Variants in RBM20 observed in about 807,000 individuals in gnomAD.
RBM20 encodes RNA binding motif protein 20.
Under a neutral mutation model 110.1 loss-of-function variants are expected in RBM20, and 51 were observed. That is an observed-to-expected ratio of 0.46 (90% CI 0.37 to 0.59). RBM20 has a LOEUF of 0.59. Among genes scored for constraint, RBM20 ranks in the 20% least tolerant of loss-of-function variants. RBM20 has a pLI of 0.00. For missense variants in RBM20, 1,512 were observed against 1,574.9 expected (o/e 0.96, Z 0.68); for synonymous variants, 589 against 618.2 (o/e 0.95, Z 0.70).
chr10:110,803,507 T>C (rs1376197589), intron 7 of RBM20, among the ~76,000 whole-genome samples: 2 of 152,176 alleles, frequency 1.3e-5, no homozygotes, highest in Non-Finnish European at 2.9e-5. Flanking sequence ...AGTGCTGTTA[T>C]TGCGTATTTC....
intron 1 of RBM20, among the ~76,000 whole-genome samples, chr10:110,760,425 C>CT (rs541027608): frequency 0.028 from 1,647 of 57,844 alleles, 264 homozygotes; most frequent in African/African-American, 0.091. Context: ...ATTCCATCAT[C>CT]TTTTTTTTTT....
In RBM20 at chr10:110,669,598, A is replaced by G. The variant is rs148892331; in HGVS notation, c.191+24953A>G. Among the ~76,000 whole-genome samples the G allele has an allele frequency of 4.3e-3, 653 of 152,336 alleles. 4 individuals are homozygous for G. Among genetic ancestry groups the G allele is most frequent in the African/African-American group, 0.015 (605 of 41,582 alleles). On this transcript the variant is annotated intron_variant, in intron 1 of 13. Transcript: ENST00000369519. Reference sequence around the variant, plus strand: ...CCTTCACTTGGTTACAGTACTTTTTAAAAAATGGAGATACGGTCTTGCTGT... The same window carrying G: ...CCTTCACTTGGTTACAGTACTTTTTGAAAAATGGAGATACGGTCTTGCTGT...
chr10:110,808,124 G>A (rs533728024), intron 7 of RBM20, among the ~76,000 whole-genome samples: 1 of 152,358 alleles, frequency 6.6e-6, no homozygotes, highest in South Asian at 2.1e-4. Context: ...GGCCCAAGGT[G>A]GGCAGGCAGG....
rs794729161 is a variant in RBM20 at position 110,781,141 on chromosome 10, C to T, written c.532C>T (p.Arg178Ter). The T allele has an allele frequency of 3.2e-6, 5 of 1,551,722 alleles. No individual in the cohort carries two copies. Among genetic ancestry groups the T allele is most frequent in the Non-Finnish European group, 4.4e-6 (5 of 1,147,028 alleles). ...AIAFSPPSQT[R>*]GPGPSMNLPN... is the part of the protein sequence containing the mutation. ...TGCCTTTTCACCCCCCAGCCAGACACGAGGCCCCGGACCCTCCATGAACCT... is the reference window on the plus strand; with the variant it reads ...TGCCTTTTCACCCCCCAGCCAGACATGAGGCCCCGGACCCTCCATGAACCT... Residue 178 changes from arginine (R) to a stop codon, truncating the protein, a stop_gained, in exon 2 of 14, where the codon CGA becomes TGA. Coordinates refer to ENST00000369519, the MANE Select transcript of RBM20 (RefSeq NM_001134363.3). LOFTEE classifies it high-confidence loss of function.
intron 1 of RBM20, among the ~76,000 whole-genome samples, chr10:110,766,752 G>A (rs1157972419): frequency 1.7e-4 from 26 of 151,596 alleles, no homozygotes; most frequent in African/African-American, 5.3e-4. Flanking sequence ...GCAACCATCC[G>A]ATTTCTCAAT....
At chr10:110,724,322 G>T (rs1362983197) in intron 1 of RBM20, among the ~76,000 whole-genome samples, 1 of 152,232 alleles carries the variant, frequency 6.6e-6, no homozygotes, top group Non-Finnish European at 1.5e-5. Flanking sequence ...GCTCCAACAG[G>T]TTGCAGGCTG....
intron 1 of RBM20, among the ~76,000 whole-genome samples, chr10:110,705,015 CAAG>C (rs1862815121): frequency 6.6e-6 from 1 of 152,138 alleles, no homozygotes; most frequent in Admixed American, 6.6e-5. Context: ...ACTTTTCTTA[CAAG>C]AAGAAAACAG....
chr10:110,777,161 C>T (rs1236479798), intron 1 of RBM20, among the ~76,000 whole-genome samples: 4 of 152,218 alleles, frequency 2.6e-5, no homozygotes, highest in South Asian at 2.1e-4. Context: ...CCAAGACACA[C>T]TCCTTTCTCT....
At chr10:110,766,957 AC>A (rs1270729710) in intron 1 of RBM20, among the ~76,000 whole-genome samples, 3 of 83,536 alleles carry the variant, frequency 3.6e-5, no homozygotes, top group East Asian at 3.0e-4. Flanking sequence ...GCGGGGGGTG[AC>A]CCCCCCACCT....
chr10:110,828,926 TG>T (rs1346888174), intron 12 of RBM20, among the ~76,000 whole-genome samples: 5 of 152,202 alleles, frequency 3.3e-5, no homozygotes, highest in African/African-American at 1.2e-4. Context: ...GCTACACTGC[TG>T]GGGGCTTTGG....
intron 9 of RBM20, among the ~76,000 whole-genome samples, chr10:110,818,425 T>G (rs901125567): frequency 3.9e-5 from 6 of 152,186 alleles, no homozygotes; most frequent in African/African-American, 1.4e-4. Context: ...GGAGACCAGT[T>G]TCGAAGTGGT....
chr10:110,701,861 G>A (rs1191243531), intron 1 of RBM20, among the ~76,000 whole-genome samples: 1 of 152,234 alleles, frequency 6.6e-6, no homozygotes, highest in Admixed American at 6.5e-5. Context: ...ATCTGTAAGA[G>A]CCTGTGGGCT....
chr10:110,811,317 G>A (rs1370274869), intron 8 of RBM20, among the ~76,000 whole-genome samples: 1 of 152,196 alleles, frequency 6.6e-6, no homozygotes, highest in Non-Finnish European at 1.5e-5. Flanking sequence ...ATGAAAAAAT[G>A]CCCATCCTTT....
At chr10:110,812,996 G>A (rs1375450119) in intron 9 of RBM20, 49 bp downstream of exon 9, 1 of 1,245,476 alleles carries the variant, frequency 8.0e-7, no homozygotes, top group East Asian at 2.6e-5. Context: ...CCCTGAAGGA[G>A]AATAATCATA....
chr10:110,791,065 T>G (rs144949790), intron 5 of RBM20, among the ~76,000 whole-genome samples: 1 of 152,224 alleles, frequency 6.6e-6, no homozygotes, highest in African/African-American at 2.4e-5. Flanking sequence ...AGAGCTAATA[T>G]GCTCTATAAA....
At position 110,715,380 on chromosome 10, in the gene RBM20, A is replaced by G. The variant is rs7913663; in HGVS notation, c.192-65421A>G. The stretch of plus-strand genomic sequence containing the variant: ...GAATGTTTCCATCTTGTGTCATCAC[A>G]CTGTCTGCAGCACTTTCATATCAGC... On this transcript the variant is annotated intron_variant, in intron 1 of 13. Coordinates refer to ENST00000369519, the MANE Select transcript of RBM20 (RefSeq NM_001134363.3). Among the ~76,000 whole-genome samples the G allele has an allele frequency of 6.2e-3, 938 of 152,332 alleles. 12 individuals are homozygous for G. The highest frequency in any genetic ancestry group is 0.021 in the African/African-American group (879 of 41,558).
Position 110,780,988 on chromosome 10 carries a change from G to T in RBM20, c.379G>T (p.Val127Leu). Residue 127 changes from valine (V) to leucine (L), a missense_variant, in exon 2 of 14, where the codon GTG becomes TTG. This residue lies in a region of RBM20 where 1,149 missense variants were observed against 1,169.4 expected (regional missense o/e 0.98). Transcript: ENST00000369519. ...AGTCCTGAACCAAGTCCTCTCCAAAGTGGCCATGTCCCAGCCTCTCTTCAA... is the reference window on the plus strand; with the variant it reads ...AGTCCTGAACCAAGTCCTCTCCAAATTGGCCATGTCCCAGCCTCTCTTCAA... ...ATVLNQVLSK[V>L]AMSQPLFNQL... The T allele has an allele frequency of 6.4e-7, 1 of 1,551,726 alleles. No homozygotes were observed.
At chr10:110,693,200 T>C (rs1012711511) in intron 1 of RBM20, among the ~76,000 whole-genome samples, 2 of 152,132 alleles carry the variant, frequency 1.3e-5, no homozygotes, top group Admixed American at 6.6e-5. Flanking sequence ...ATATTCATAA[T>C]GGATGTTGTT....
intron 7 of RBM20, among the ~76,000 whole-genome samples, chr10:110,800,683 T>A (rs181743423): frequency 1.3e-5 from 2 of 152,368 alleles, no homozygotes; most frequent in Admixed American, 1.3e-4. Flanking sequence ...CTGACTTCAA[T>A]GATAATCATA....
Sources: gnomAD v4.1 joint callset for allele counts (sites outside exome capture counted in the v4.1 genomes callset) on GRCh38, gnomAD v4.1.1 for gene constraint, gnomAD v4.1.1 regional missense constraint, MANE v1.5 for transcripts, NCBI Gene and HGNC (gene_info 2026-07-23, HGNC 2026-07-21) for gene names.